Variants in CUTC observed in about 807,000 individuals in gnomAD.
CUTC encodes the protein copper homeostasis protein cutC homolog.
In CUTC, 27 loss-of-function variants were observed where a neutral mutation model predicts 36.2. The observed-to-expected ratio is 0.75, with a 90% CI of 0.55 to 1.03. The LOEUF (loss-of-function observed/expected upper bound fraction) is 1.03, where lower values mean the gene tolerates loss of function less well. Among genes scored for constraint, CUTC ranks in the 50% least tolerant of loss-of-function variants. The pLI is 0.00. For missense variants in CUTC, 315 were observed against 343.5 expected (o/e 0.92, Z 0.66); for synonymous variants, 114 against 118.3 (o/e 0.96, Z 0.24).
chr10:99,736,470 T>A lies in CUTC; in HGVS notation c.133+153T>A, dbSNP rs552906075. On this transcript the variant is annotated intron_variant, in intron 2 of 8. Transcript: ENST00000370476. ...AATTAGAAACCCTACTGGAAAATTA[T>A]GATCTAGTCTCTCCCTCTCCCCAAG... Among the ~76,000 whole-genome samples the A allele has an allele frequency of 7.2e-5, 11 of 152,332 alleles. No individual in the cohort carries two copies. In the South Asian group the frequency reaches 2.1e-3, roughly 29 times the overall value.
At chr10:99,750,948 G>A (rs992380665) in intron 7 of CUTC, among the ~76,000 whole-genome samples, 1 of 152,072 alleles carries the variant, frequency 6.6e-6, no homozygotes, top group African/African-American at 2.4e-5. Context: ...ATGAACAGTT[G>A]GAGCAGTTTT....
chr10:99,736,412 T>G, intron 2 of CUTC, 95 bp downstream of exon 2: 9 of 882,544 alleles, frequency 1.0e-5, no homozygotes, highest in Non-Finnish European at 1.5e-5. Flanking sequence ...TTGTGATCTC[T>G]AAGCATCCCT....
chr10:99,742,178 A>G (rs1334702760), intron 3 of CUTC, among the ~76,000 whole-genome samples: 2 of 152,088 alleles, frequency 1.3e-5, no homozygotes, highest in Non-Finnish European at 2.9e-5. Flanking sequence ...TGTCTTGCAA[A>G]CCACTGTTTC....
chr10:99,737,866 T>A (rs1276758296), intron 2 of CUTC, among the ~76,000 whole-genome samples: 2 of 143,082 alleles, frequency 1.4e-5, no homozygotes, highest in Non-Finnish European at 3.1e-5. Context: ...ATAAAGACTC[T>A]TGCCGGGCGC....
At chr10:99,748,190 C>G (rs1444943945) in intron 6 of CUTC, among the ~76,000 whole-genome samples, 1 of 152,054 alleles carries the variant, frequency 6.6e-6, no homozygotes, top group East Asian at 1.9e-4. Context: ...TCTCTTTCCC[C>G]CTGTGTGAAA....
chr10:99,750,312 T>G lies in CUTC; in HGVS notation c.574-57T>G, dbSNP rs186479862. 2,530 of 1,332,380 alleles carry G rather than the reference T, an allele frequency of 1.9e-3. 4 individuals carry two copies. Among genetic ancestry groups the G allele is most frequent in the Non-Finnish European group, 2.1e-3 (2,027 of 960,392 alleles). The allele number at this position is 1,332,380 out of a possible 1,614,324, so 82.5% of individuals were successfully genotyped here. ...TATGTTTCTATTCTCACTGCCTTAT[T>G]ATCCCATTCAAGAGAAAGATATTAA... On this transcript the variant is annotated intron_variant, in intron 6 of 8. Transcript: ENST00000370476.
intron 6 of CUTC, among the ~76,000 whole-genome samples, chr10:99,748,590 T>C (rs541428939): frequency 3.3e-5 from 5 of 152,298 alleles, no homozygotes; most frequent in African/African-American, 1.2e-4. Context: ...GAGCAGGCAA[T>C]TTTAATAGAG....
chr10:99,741,108 G>A (rs2037337812), intron 3 of CUTC, among the ~76,000 whole-genome samples: 1 of 152,152 alleles, frequency 6.6e-6, no homozygotes, highest in African/African-American at 2.4e-5. Flanking sequence ...TTTATTGGAT[G>A]CAAGACATTG....
At chr10:99,743,115 C>A in intron 3 of CUTC, 38 bp from the exon 4 acceptor site, 1 of 1,591,574 alleles carries the variant, frequency 6.3e-7, no homozygotes. Flanking sequence ...TGGCTTTTAG[C>A]TCACATTTGA....
chr10:99,736,118 C>G (rs2037294670), intron 1 of CUTC, 128 bp from the exon 2 acceptor site: 1 of 679,914 alleles, frequency 1.5e-6, no homozygotes, highest in Non-Finnish European at 2.7e-6. Context: ...TTCATGGGCC[C>G]TAGTGTACTT....
chr10:99,732,363 G>C lies in CUTC; in HGVS notation c.15G>C (p.Gly5=), dbSNP rs1236228255. The C allele has an allele frequency of 6.4e-7, 1 of 1,553,050 alleles. No homozygotes were observed. Among genetic ancestry groups the C allele is most frequent in the Non-Finnish European group, 8.7e-7 (1 of 1,148,092 alleles). The part of the protein sequence containing the change: MKRQ[G]ASSERKRARI... ...ACGCGTGGAGCATGAAAAGGCAGGG[G>C]GCCTCCTCTGAGCGAAAACGAGCGC... Residue 5 remains glycine (G), a synonymous_variant, in exon 1 of 9, where the codon GGG becomes GGC. Transcript: ENST00000370476.
chr10:99,739,227 A>C (rs574775800), intron 2 of CUTC, among the ~76,000 whole-genome samples: 2 of 152,226 alleles, frequency 1.3e-5, no homozygotes, highest in South Asian at 4.1e-4. Flanking sequence ...AGATCTTTTG[A>C]TGTGACCTTG....
At chr10:99,747,445 A>G (rs775565339) in intron 6 of CUTC, 55 bp downstream of exon 6, 1 of 1,606,172 alleles carries the variant, frequency 6.2e-7, no homozygotes, top group Admixed American at 1.7e-5. Flanking sequence ...TACTCCTGAC[A>G]TTCTGCTGTT....
rs759885087 is a variant in CUTC at position 99,754,604 on chromosome 10, G to A, written c.677G>A (p.Arg226Gln). 6.2e-6 allele frequency: 10 copies of A among 1,612,838 alleles called. 1 individual carries two copies. In the South Asian group the frequency reaches 1.1e-4, roughly 18 times the overall value. Residue 226 changes from arginine to glutamine, a missense_variant, in exon 8 of 9, where the codon CGG becomes CAG. Coordinates refer to ENST00000370476, the MANE Select transcript of CUTC (RefSeq NM_015960.3). ...SGATEFHCSA[R>Q]STRDSGMKFR... ...GCTACAGAATTCCACTGTTCTGCTC[G>A]GTCTACTAGAGACTCGGGAATGAAG...
chr10:99,742,229 G>C (rs1271716460), intron 3 of CUTC, among the ~76,000 whole-genome samples: 1 of 151,946 alleles, frequency 6.6e-6, no homozygotes, highest in Non-Finnish European at 1.5e-5. Flanking sequence ...ATTATTATAG[G>C]TGGGAGGGTA....
chr10:99,751,077 T>C (rs901528485), intron 7 of CUTC, among the ~76,000 whole-genome samples: 1 of 152,228 alleles, frequency 6.6e-6, no homozygotes, highest in Middle Eastern at 3.2e-3. Context: ...AATACTCATA[T>C]GCTCATTCCC....
chr10:99,732,515 C>T (rs909917645), intron 1 of CUTC, 106 bp downstream of exon 1: 3 of 1,512,808 alleles, frequency 2.0e-6, no homozygotes, highest in Non-Finnish European at 1.8e-6. Flanking sequence ...TTCCTCAGCT[C>T]CTTCCAGCCC....
At position 99,750,231 on chromosome 10, in the gene CUTC, G is replaced by C. The variant is rs2037406295; in HGVS notation, c.574-138G>C. 1.5e-5 allele frequency: 7 copies of C among 475,760 alleles called. No homozygotes were observed. The South Asian group carries it at 2.8e-4, about 19-fold the overall frequency. 29.5% of individuals were successfully genotyped at this position (475,760 alleles called of 1,614,324 possible). A position where few individuals can be genotyped will look rare whatever the true frequency, so the allele number is the denominator to read the frequency against. Reference sequence around the variant, plus strand: ...TCCAAGATCCCAAAGAAATAGAGAAGATCTAGTAAAAATTAAACATTAATA... The same window carrying C: ...TCCAAGATCCCAAAGAAATAGAGAACATCTAGTAAAAATTAAACATTAATA... On this transcript the variant is annotated intron_variant, in intron 6 of 8. Transcript: ENST00000370476.
chr10:99,732,357 G>T lies in CUTC; in HGVS notation c.9G>T (p.Arg3Ser). 6.4e-7 allele frequency: 1 copy of T among 1,553,034 alleles called. No individual in the cohort carries two copies. The highest frequency in any genetic ancestry group is 8.7e-7 in the Non-Finnish European group (1 of 1,147,980). Residue 3 changes from arginine to serine, a missense_variant, in exon 1 of 9, where the codon AGG (arginine) becomes AGT (serine). Coordinates refer to ENST00000370476, the MANE Select transcript of CUTC (RefSeq NM_015960.3). ...GGAGGAACGCGTGGAGCATGAAAAG[G>T]CAGGGGGCCTCCTCTGAGCGAAAAC... MK[R>S]QGASSERKRA...
Sources: gnomAD v4.1 joint callset for allele counts (sites outside exome capture counted in the v4.1 genomes callset) on GRCh38, gnomAD v4.1.1 for gene constraint, MANE v1.5 for transcripts, NCBI Gene and HGNC (gene_info 2026-07-23, HGNC 2026-07-21) for gene names.